Variants in MAP3K15 observed in about 807,000 individuals in gnomAD.
MAP3K15 encodes MAPK/ERK kinase kinase 15.
Under a neutral mutation model 99.5 loss-of-function variants are expected in MAP3K15, and 124 were observed. That is an observed-to-expected ratio of 1.25 (90% confidence interval 1.08 to 1.45). The LOEUF is 1.45. Among genes scored for constraint, MAP3K15 ranks in the 40% most tolerant of loss-of-function variants. The probability of loss-of-function intolerance (pLI) is 0.00; values close to 1 mark genes in which losing one functional copy is unlikely to be tolerated. For missense variants in MAP3K15, 1,242 were observed against 1,079.7 expected, an observed-to-expected ratio of 1.15 and a Z score of -2.11; for synonymous variants, 494 against 439.6, an observed-to-expected ratio of 1.12 and a Z score of -1.55.
chrX:19,485,770 C>A (rs182815758), intron 3 of MAP3K15, among the ~76,000 whole-genome samples: 295 of 111,001 alleles, frequency 2.7e-3, no homozygotes, highest in Middle Eastern at 4.7e-3. Context: ...GGACCAAGGG[C>A]CTGTCCTGAG....
intron 1 of MAP3K15, among the ~76,000 whole-genome samples, chrX:19,501,202 T>C (rs1375599360): frequency 9.0e-6 from 1 of 111,462 alleles, no homozygotes; most frequent in Non-Finnish European, 1.9e-5. Context: ...CTGGCCACTC[T>C]CTCCAGCAGG....
intron 18 of MAP3K15, among the ~76,000 whole-genome samples, chrX:19,381,699 C>T (rs1368751284): frequency 2.7e-5 from 3 of 112,318 alleles, no homozygotes; most frequent in Non-Finnish European, 5.6e-5. Context: ...TGGCTTTGGA[C>T]GTGCTCTTGT....
At chrX:19,372,126 T>C (rs1360328733) in intron 22 of MAP3K15, among the ~76,000 whole-genome samples, 2 of 17,618 alleles carry the variant, frequency 1.1e-4, no homozygotes, top group African/African-American at 2.4e-4. Flanking sequence ...AGAGTGAGAC[T>C]GTCTAAAAAA....
chrX:19,417,078 C>G (rs1363826714), intron 9 of MAP3K15, among the ~76,000 whole-genome samples: 1 of 112,300 alleles, frequency 8.9e-6, no homozygotes, highest in African/African-American at 3.2e-5. Flanking sequence ...GCCAAGATGG[C>G]TGAATACGAA....
rs189656055 is a variant in MAP3K15, at chrX:19,392,238, C to T, written c.2325+105G>A. The T allele has an allele frequency of 1.2e-4, 127 of 1,056,278 alleles. 1 individual carries two copies. The South Asian group carries it at 2.0e-3, about 16-fold the overall frequency. The allele number at this position is 1,056,278 out of a possible 1,213,427, so 87.0% of individuals were successfully genotyped here. A position where few individuals can be genotyped will look rare whatever the true frequency, so the allele number is the denominator to read the frequency against. On this transcript the variant is annotated intron_variant, in intron 17 of 28. Transcript: ENST00000338883. ...ACTTTGCATTTTGGGGACGGTTGTG[C>T]TAAATCATACCCCTCTGTCAGCCAG...
intron 5 of MAP3K15, among the ~76,000 whole-genome samples, chrX:19,457,358 T>C (rs376428124): frequency 1.3e-3 from 149 of 112,166 alleles, no homozygotes; most frequent in African/African-American, 4.7e-3. Flanking sequence ...ACACCTGTAA[T>C]CTCAGCACTT....
intron 3 of MAP3K15, chrX:19,481,837 G>A (rs1388100717): frequency 1.8e-5 from 2 of 111,373 alleles, no homozygotes; most frequent in African/African-American, 6.5e-5. Flanking sequence ...ATGTAAAATG[G>A]TACAGCCACT....
At position 19,464,277 on chromosome X, in the gene MAP3K15, G is replaced by A. The variant is rs1306073683; in HGVS notation, c.655C>T (p.Pro219Ser). ...MQPNWDNILG[P>S]LCMPLVDRFI... ...CTGTCCACCAAAGGCATGCACAGCG[G>A]GCCCAGGATGTTGTCCCAGTTGGGC... The change falls in exon 4 of 29, where the codon CCG (proline) becomes TCG (serine). Residue 219 changes from proline to serine, a missense_variant. By Grantham distance (74) the Pro-to-Ser change is moderately conservative (BLOSUM62 -1). Transcript: ENST00000338883. 1 of 1,200,103 alleles carries A rather than the reference G, an allele frequency of 8.3e-7. No homozygotes were observed. Among genetic ancestry groups the A allele is most frequent in the Non-Finnish European group, 1.1e-6 (1 of 895,158 alleles).
At chrX:19,397,679 T>G (rs1660448111) in intron 15 of MAP3K15, among the ~76,000 whole-genome samples, 1 of 111,873 alleles carries the variant, frequency 8.9e-6, no homozygotes, top group Admixed American at 9.5e-5. Flanking sequence ...AGCCAATGGG[T>G]GGAAACACAA....
rs761246318 is a variant in MAP3K15, at chrX:19,393,760, C to CTTTTTTT, written c.2195-1294_2195-1288dup. Among the ~76,000 whole-genome samples, 169 of 60,239 alleles carry CTTTTTTT rather than the reference C, an allele frequency of 2.8e-3. 19 individuals are homozygous for CTTTTTTT. The highest frequency in any genetic ancestry group is 0.013 in the African/African-American group (166 of 13,021). 52.3% of individuals were successfully genotyped at this position (60,239 alleles called of 115,157 possible). ...TGAAAATCTAGCCCACTGCCTGGCT[C>CTTTTTTT]TTTTTTTTTTTTTTTTTTTTTTTTT... On this transcript the variant is annotated intron_variant, in intron 16 of 28. Transcript: ENST00000338883.
chrX:19,514,821 G>A, intron 1 of MAP3K15, 80 bp downstream of exon 1: 1 of 376,673 alleles, frequency 2.7e-6, no homozygotes, highest in Admixed American at 5.3e-5. Context: ...GGGGGAGAAG[G>A]GCGAGGGGGC....
intron 18 of MAP3K15, among the ~76,000 whole-genome samples, chrX:19,384,220 G>T (rs188453294): frequency 9.0e-6 from 1 of 111,121 alleles, no homozygotes; most frequent in Non-Finnish European, 1.9e-5. Context: ...TATATAAAGC[G>T]AAATAAGTCA....
At chrX:19,366,006 CAAAAA>C (rs1172350617) in intron 25 of MAP3K15, among the ~76,000 whole-genome samples, 1 of 20,106 alleles carries the variant, frequency 5.0e-5, no homozygotes, top group Admixed American at 6.5e-4. Context: ...GCCTCCATCT[CAAAAA>C]AAAAAAAAAA....
chrX:19,440,916 G>A (rs1194151452), intron 6 of MAP3K15, among the ~76,000 whole-genome samples: 2 of 112,347 alleles, frequency 1.8e-5, no homozygotes, highest in Admixed American at 9.5e-5. Context: ...ACTTGTGGCC[G>A]ATGAAACATG....
chrX:19,426,266 T>A lies in MAP3K15; in HGVS notation c.1244A>T (p.Gln415Leu), dbSNP rs370481675. 19 of 1,165,625 alleles carry A rather than the reference T, an allele frequency of 1.6e-5. No homozygotes were observed. The highest frequency in any genetic ancestry group is 3.5e-5 in the African/African-American group (2 of 56,368). The change falls in exon 8 of 29, where the codon CAA becomes CTA. Residue 415 changes from glutamine to leucine, a missense_variant. Transcript: ENST00000338883. ...TAGTTCCAAGGAAGTTTCAAATTGT[T>A]GTCCAGCAACAATCAGCAAAACTGC... is the stretch of plus-strand genomic sequence containing the variant. ...NLAVLLIVAG[Q>L]QFETSLELRK... is the part of the protein sequence containing the mutation.
At chrX:19,460,544 A>G (rs748212661) in intron 4 of MAP3K15, among the ~76,000 whole-genome samples, 51 of 110,644 alleles carry the variant, frequency 4.6e-4, no homozygotes, top group Non-Finnish European at 7.4e-4. Flanking sequence ...AAACCCATGA[A>G]ACATACATGA....
intron 2 of MAP3K15, among the ~76,000 whole-genome samples, chrX:19,487,713 T>C (rs892974959): frequency 3.6e-5 from 4 of 112,207 alleles, no homozygotes; most frequent in Non-Finnish European, 1.9e-5. Flanking sequence ...AAGCAGGTGG[T>C]ATTTCTACCA....
At chrX:19,455,513 ATTTTTT>A (rs755405077) in intron 6 of MAP3K15, among the ~76,000 whole-genome samples, 3 of 65,718 alleles carry the variant, frequency 4.6e-5, no homozygotes, top group East Asian at 8.7e-4. Flanking sequence ...TGCCTGGCTA[ATTTTTT>A]TTTTTTTTTT....
intron 1 of MAP3K15, among the ~76,000 whole-genome samples, chrX:19,510,128 G>A (rs188377456): frequency 5.4e-5 from 6 of 111,744 alleles, no homozygotes; most frequent in African/African-American, 1.6e-4. Flanking sequence ...AATCCTAGAC[G>A]GACTCACAGC....
Sources: gnomAD v4.1 joint callset for allele counts (sites outside exome capture counted in the v4.1 genomes callset) on GRCh38, gnomAD v4.1.1 for gene constraint, MANE v1.5 for transcripts, NCBI Gene and HGNC (gene_info 2026-07-23, HGNC 2026-07-21) for gene names.